DCLK2: variants seen among roughly 807,000 people sequenced by gnomAD.
The protein encoded by DCLK2 is serine/threonine-protein kinase DCLK2.
DCLK2 carries 31 observed loss-of-function variants against 78.4 expected under a neutral mutation model. That is an observed-to-expected ratio of 0.40 (90% CI 0.30 to 0.53). The LOEUF is 0.53. DCLK2 is among the 20% of genes least tolerant of loss of function. The pLI is 0.61. For missense variants in DCLK2, 872 were observed against 973.7 expected, an observed-to-expected ratio of 0.90 and a Z score of 1.39; for synonymous variants, 407 against 374.9, an observed-to-expected ratio of 1.09 and a Z score of -0.99.
chr4:150,230,437 T>C (rs1741954515), intron 8 of DCLK2, among the ~76,000 whole-genome samples: 1 of 152,162 alleles, frequency 6.6e-6, no homozygotes, highest in African/African-American at 2.4e-5. Context: ...GGCGAATATA[T>C]AGACTCTTCT....
intron 2 of DCLK2, among the ~76,000 whole-genome samples, chr4:150,181,825 T>A (rs1406124038): frequency 6.6e-6 from 1 of 151,920 alleles, no homozygotes. Context: ...GTAGAAAGGG[T>A]CCTTCCCTTA....
chr4:150,220,869 C>A, intron 6 of DCLK2, 91 bp downstream of exon 6: 1 of 1,055,374 alleles, frequency 9.5e-7, no homozygotes, highest in Non-Finnish European at 1.4e-6. Flanking sequence ...AAATTACGAT[C>A]TTCCTAAAGA....
chr4:150,218,178 G>A (rs1203750121), intron 5 of DCLK2, among the ~76,000 whole-genome samples: 1 of 145,816 alleles, frequency 6.9e-6, no homozygotes, highest in Non-Finnish European at 1.5e-5. Context: ...CTGGAGACCA[G>A]GCTTCCATCA....
chr4:150,247,059 A>G (rs922127255), intron 12 of DCLK2, among the ~76,000 whole-genome samples: 3 of 152,304 alleles, frequency 2.0e-5, no homozygotes, highest in Non-Finnish European at 2.9e-5. Context: ...GTTAAAGTGC[A>G]AAGAAGAAGG....
chr4:150,254,442 T>C (rs1387043945), intron 15 of DCLK2: 12 of 398,628 alleles, frequency 3.0e-5, no homozygotes, highest in Non-Finnish European at 5.3e-5. Flanking sequence ...GGCCATGGTA[T>C]GTACTAACCG....
At chr4:150,205,349 C>T (rs1017803592) in intron 5 of DCLK2, among the ~76,000 whole-genome samples, 2 of 152,098 alleles carry the variant, frequency 1.3e-5, no homozygotes, top group African/African-American at 4.8e-5. Flanking sequence ...TGTTTAAGTA[C>T]CTGAGAATAA....
At chr4:150,081,599 C>CT (rs1164114776) in intron 1 of DCLK2, among the ~76,000 whole-genome samples, 1 of 151,954 alleles carries the variant, frequency 6.6e-6, no homozygotes, top group Non-Finnish European at 1.5e-5. Flanking sequence ...AACTTGGACA[C>CT]TTTTTTTGTC....
rs376479148 is a variant in DCLK2, at chr4:150,183,737, C to CTT, written c.757-9389_757-9388dup. Among the ~76,000 whole-genome samples the CTT allele has an allele frequency of 4.4e-4, 63 of 143,102 alleles. 1 individual carries two copies. The highest frequency in any genetic ancestry group is 1.5e-3 in the African/African-American group (57 of 39,256). 93.9% of individuals were successfully genotyped at this position (143,102 alleles called of 152,430 possible). A position where few individuals can be genotyped will look rare whatever the true frequency, so the allele number is the denominator to read the frequency against. ...TCTTTTGATTTCTTTTTTTCTTTTT[C>CTT]TTTTTTTTTTTTTGGAGACAGAGTC... On this transcript the variant is annotated intron_variant, in intron 2 of 15. Coordinates refer to ENST00000296550, the MANE Select transcript of DCLK2 (RefSeq NM_001040260.4).
intron 10 of DCLK2, among the ~76,000 whole-genome samples, chr4:150,235,166 C>T (rs1352531118): frequency 1.3e-5 from 2 of 152,196 alleles, no homozygotes; most frequent in Non-Finnish European, 2.9e-5. Context: ...AAGAAGGTGA[C>T]TGAGGTGCTT....
intron 1 of DCLK2, among the ~76,000 whole-genome samples, chr4:150,100,917 C>G (rs1730839420): frequency 6.6e-6 from 1 of 152,102 alleles, no homozygotes; most frequent in Admixed American, 6.6e-5. Flanking sequence ...GGGCAGTGCC[C>G]TAATTATACC....
At chr4:150,084,825 C>T (rs914058663) in intron 1 of DCLK2, among the ~76,000 whole-genome samples, 2 of 152,228 alleles carry the variant, frequency 1.3e-5, no homozygotes, top group Non-Finnish European at 2.9e-5. Flanking sequence ...GGGTGTGTAC[C>T]GCCTGGCTAG....
chr4:150,249,585 G>A lies in DCLK2; in HGVS notation c.1974G>A (p.Glu658=), dbSNP rs1026731496. Residue 658 remains glutamate, a synonymous_variant, in exon 15 of 16, where the codon GAG becomes GAA. Coordinates refer to ENST00000296550, the MANE Select transcript of DCLK2 (RefSeq NM_001040260.4). ...TCCTGTAGGATGATGCCTCCCAGGAGAATAACATGCAAGCTGAGGTGACAG... is the reference window on the plus strand; with the variant it reads ...TCCTGTAGGATGATGCCTCCCAGGAAAATAACATGCAAGCTGAGGTGACAG... ...HPWVSDDASQ[E]NNMQAEVTGK... The A allele has an allele frequency of 1.2e-6, 2 of 1,613,660 alleles. No individual in the cohort carries two copies. The highest frequency in any genetic ancestry group is 1.7e-5 in the Admixed American group (1 of 60,012).
chr4:150,137,476 T>C (rs1733779152), intron 2 of DCLK2, among the ~76,000 whole-genome samples: 1 of 151,856 alleles, frequency 6.6e-6, no homozygotes, highest in African/African-American at 2.4e-5. Context: ...AAAGGACATG[T>C]ATACAGGGAG....
At chr4:150,135,737 G>A (rs1161905604) in intron 2 of DCLK2, among the ~76,000 whole-genome samples, 1 of 152,196 alleles carries the variant, frequency 6.6e-6, no homozygotes, top group Non-Finnish European at 1.5e-5. Context: ...TTCAAAGCTT[G>A]AATTCCAGTG....
chr4:150,115,208 C>T (rs1450192180), intron 2 of DCLK2, among the ~76,000 whole-genome samples: 2 of 152,140 alleles, frequency 1.3e-5, no homozygotes, highest in African/African-American at 2.4e-5. Context: ...TTTTTCATTT[C>T]CAGAAGTTCT....
intron 2 of DCLK2, among the ~76,000 whole-genome samples, chr4:150,112,484 C>A (rs1731760755): frequency 1.3e-5 from 2 of 152,092 alleles, no homozygotes; most frequent in African/African-American, 2.4e-5. Flanking sequence ...TAAAAGTAGG[C>A]ATTGTTGTCC....
Position 150,160,768 on chromosome 4 carries a change from C to A in DCLK2, c.757-32370C>A, listed in dbSNP as rs141992519. Reference sequence around the variant, plus strand: ...GTTCTGAGAGAAGGAAAAGAAAGGGCCTCTTTGCTCCGGATATTTGGAAAC... The same window carrying A: ...GTTCTGAGAGAAGGAAAAGAAAGGGACTCTTTGCTCCGGATATTTGGAAAC... On this transcript the variant is annotated intron_variant, in intron 2 of 15. Coordinates refer to ENST00000296550, the MANE Select transcript of DCLK2 (RefSeq NM_001040260.4). Among the ~76,000 whole-genome samples, 552 of 152,246 alleles carry A rather than the reference C, an allele frequency of 3.6e-3. 4 individuals are homozygous for A. The highest frequency in any genetic ancestry group is 0.012 in the African/African-American group (481 of 41,524).
At chr4:150,232,869 C>T (rs1373040002) in intron 10 of DCLK2, 41 bp downstream of exon 10, 2 of 1,594,314 alleles carry the variant, frequency 1.3e-6, no homozygotes, top group Admixed American at 1.7e-5. Context: ...GAATGCCTCT[C>T]TTCCTTTAAA....
At chr4:150,214,056 G>A (rs368856366) in intron 5 of DCLK2, among the ~76,000 whole-genome samples, 1 of 152,134 alleles carries the variant, frequency 6.6e-6, no homozygotes, top group South Asian at 2.1e-4. Context: ...TCATGACTTG[G>A]TACAAAGTAG....
Sources: allele counts gnomAD v4.1 joint callset (sites outside exome capture counted in the v4.1 genomes callset), GRCh38; gene constraint gnomAD v4.1.1; transcripts MANE v1.5; gene names NCBI Gene and HGNC (gene_info 2026-07-23, HGNC 2026-07-21).